Variants in NPSR1 observed in about 807,000 individuals in gnomAD.
NPSR1 encodes neuropeptide S receptor 1.
NPSR1 carries 48 observed loss-of-function variants against 46.9 expected under a neutral mutation model. The observed-to-expected ratio is 1.02, with a 90% CI of 0.81 to 1.30. The LOEUF (loss-of-function observed/expected upper bound fraction) is 1.30, where lower values mean the gene tolerates loss of function less well. NPSR1 is among the 50% of genes most tolerant of loss of function. The pLI, the probability that NPSR1 is intolerant of heterozygous loss-of-function variation, is 0.00. For synonymous variants in NPSR1, 176 were observed against 168.1 expected (o/e 1.05, Z -0.36); for missense variants, 450 against 449.5 (o/e 1.00, Z -0.01).
At chr7:34,807,395 G>A (rs975924875) in intron 3 of NPSR1, among the ~76,000 whole-genome samples, 21 of 151,720 alleles carry the variant, frequency 1.4e-4, no homozygotes, top group African/African-American at 4.4e-4. Context: ...AACTTTGAAC[G>A]GTTTCATTAT....
At chr7:34,803,160 G>A (rs1249915349) in intron 3 of NPSR1, among the ~76,000 whole-genome samples, 3 of 151,522 alleles carry the variant, frequency 2.0e-5, no homozygotes, top group Non-Finnish European at 2.9e-5. Context: ...TCAGTGTGGC[G>A]ATTCCTCAGG....
intron 4 of NPSR1, among the ~76,000 whole-genome samples, chr7:34,819,885 C>T (rs139715893): frequency 2.6e-5 from 4 of 152,160 alleles, no homozygotes; most frequent in East Asian, 1.9e-4. Flanking sequence ...AACACTTGGA[C>T]GCAGGGTGGG....
rs1211706219 is a variant in NPSR1, at chr7:34,658,358, ACTCCCTCACTCAG to A, written c.-52_-40del. 84 of 1,598,508 alleles carry A rather than the reference ACTCCCTCACTCAG, an allele frequency of 5.3e-5. No homozygotes were observed. Among genetic ancestry groups the A allele is most frequent in the Non-Finnish European group, 7.1e-5 (83 of 1,171,280 alleles). ...GCCCAGCTCTCAGGAGGCAAGCTGGACTCCCTCACTCAGCTGCAGGAGCAAGGACAGTGAGGCT... is the reference window on the plus strand; with the variant it reads ...GCCCAGCTCTCAGGAGGCAAGCTGGACTGCAGGAGCAAGGACAGTGAGGCT... On this transcript the variant is annotated 5_prime_UTR_variant, in exon 1 of 9. Transcript: ENST00000360581.
At chr7:34,790,948 A>ATATGT (rs1562730043) in intron 3 of NPSR1, among the ~76,000 whole-genome samples, 1 of 90,510 alleles carries the variant, frequency 1.1e-5, no homozygotes, top group Non-Finnish European at 2.4e-5. Flanking sequence ...TATATATCAT[A>ATATGT]TATGTTATAT....
chr7:34,836,624 A>G (rs1041440955), intron 6 of NPSR1, among the ~76,000 whole-genome samples: 1 of 151,646 alleles, frequency 6.6e-6, no homozygotes, highest in Non-Finnish European at 1.5e-5. Context: ...GAGGAAAGAA[A>G]AGAAGAAAGA....
At chr7:34,876,639 T>A (rs2128771420) in intron 8 of NPSR1, among the ~76,000 whole-genome samples, 1 of 152,300 alleles carries the variant, frequency 6.6e-6, no homozygotes, top group Non-Finnish European at 1.5e-5. Flanking sequence ...ATATTTGTAT[T>A]TAAGTGGGGA....
At chr7:34,713,627 T>A (rs1783411132) in intron 2 of NPSR1, among the ~76,000 whole-genome samples, 1 of 152,134 alleles carries the variant, frequency 6.6e-6, no homozygotes. Context: ...GATGCAATAT[T>A]TAGAGGCTGG....
chr7:34,848,464 T>A lies in NPSR1; in HGVS notation c.845-19T>A, dbSNP rs1266670702. The A allele has an allele frequency of 6.2e-7, 1 of 1,612,332 alleles. No homozygotes were observed. Among genetic ancestry groups the A allele is most frequent in the Non-Finnish European group, 8.5e-7 (1 of 1,178,870 alleles). ...CAACTGCTACCTGCTGTGATGCTAA[T>A]GGCTCTCTTCTCCCCCAGCCTTCAT... On this transcript the variant is annotated intron_variant, in intron 7 of 8. Coordinates refer to ENST00000360581, the MANE Select transcript of NPSR1 (RefSeq NM_207172.2).
intron 2 of NPSR1, among the ~76,000 whole-genome samples, chr7:34,738,783 A>C (rs1784802862): frequency 6.6e-6 from 1 of 152,182 alleles, no homozygotes; most frequent in Admixed American, 6.5e-5. Flanking sequence ...AAATTAACCA[A>C]GTGTACAATT....
chr7:34,661,562 A>T (rs113928944), intron 1 of NPSR1, among the ~76,000 whole-genome samples: 60 of 152,294 alleles, frequency 3.9e-4, no homozygotes, highest in African/African-American at 1.4e-3. Context: ...TCACAGGCTT[A>T]GAGTCTGTTC....
At position 34,766,532 on chromosome 7, in the gene NPSR1, T is replaced by C. The variant is rs1786440247; in HGVS notation, c.281-11930T>C. On this transcript the variant is annotated intron_variant, in intron 2 of 8. Coordinates refer to ENST00000360581, the MANE Select transcript of NPSR1 (RefSeq NM_207172.2). ...CTATTCGGCAATAAGAACAAACAAA[T>C]GATACACACACCTTAGAAGAATTTC... Among the ~76,000 whole-genome samples the C allele has an allele frequency of 1.3e-5, 2 of 152,002 alleles. 1 individual carries two copies. The highest frequency in any genetic ancestry group is 1.3e-4 in the Admixed American group (2 of 15,262).
rs779203957 is a variant in NPSR1, at chr7:34,750,223, G to A, written c.281-28239G>A. 7 of 586,762 alleles carry A rather than the reference G, an allele frequency of 1.2e-5. No individual in the cohort carries two copies. The African/African-American group carries it at 1.3e-4, about 11-fold the overall frequency. 36.3% of individuals were successfully genotyped at this position (586,762 alleles called of 1,614,324 possible). A position where few individuals can be genotyped will look rare whatever the true frequency, so the allele number is the denominator to read the frequency against. On this transcript the variant is annotated intron_variant, in intron 2 of 8. Transcript: ENST00000360581. The stretch of plus-strand genomic sequence containing the variant: ...CACCCTACAAGTTACCCTGCACAGG[G>A]AGGAAAGGAACAGGCAAGATGACTT...
intron 2 of NPSR1, chr7:34,686,023 G>T: frequency 5.9e-6 from 1 of 169,270 alleles, no homozygotes; most frequent in Non-Finnish European, 1.3e-5. Flanking sequence ...ATATTTCTTC[G>T]ATTACAGTGT....
At chr7:34,840,806 G>T (rs531824682) in intron 6 of NPSR1, among the ~76,000 whole-genome samples, 1 of 152,094 alleles carries the variant, frequency 6.6e-6, no homozygotes, top group Admixed American at 6.5e-5. Flanking sequence ...TCCAGAGAGC[G>T]TCACCATAGA....
intron 6 of NPSR1, among the ~76,000 whole-genome samples, chr7:34,835,294 C>T (rs1364538007): frequency 6.6e-6 from 1 of 152,196 alleles, no homozygotes; most frequent in Non-Finnish European, 1.5e-5. Context: ...CACCTTCACA[C>T]ACTCAGTCTC....
chr7:34,876,447 T>G (rs1267976134), intron 8 of NPSR1, among the ~76,000 whole-genome samples: 1 of 152,208 alleles, frequency 6.6e-6, no homozygotes, highest in Non-Finnish European at 1.5e-5. Flanking sequence ...ACATAAACTG[T>G]GAATTCTAAT....
In NPSR1 at chr7:34,778,557, T is replaced by G; in HGVS notation, c.376T>G (p.Tyr126Asp). ...TGACCTGGTTTGCCGAGTGGTCCGC[T>G]ATTTGCAGGTATGTCACACCTTCCA... ...APDLVCRVVR[Y>D]LQVVLLYAST... The change falls in exon 3 of 9, where the codon TAT becomes GAT. Residue 126 changes from tyrosine (Y) to aspartate (D), a missense_variant. Coordinates refer to ENST00000360581, the MANE Select transcript of NPSR1 (RefSeq NM_207172.2). 6.2e-7 allele frequency: 1 copy of G among 1,603,384 alleles called. No individual in the cohort carries two copies. Among genetic ancestry groups the G allele is most frequent in the Non-Finnish European group, 8.5e-7 (1 of 1,170,718 alleles).
intron 3 of NPSR1, among the ~76,000 whole-genome samples, chr7:34,787,942 A>G (rs1787538662): frequency 6.6e-6 from 1 of 152,136 alleles, no homozygotes; most frequent in African/African-American, 2.4e-5. Flanking sequence ...TGACACAGAC[A>G]TGAAATAAAC....
At chr7:34,822,425 T>C (rs933931135) in intron 4 of NPSR1, among the ~76,000 whole-genome samples, 1 of 152,228 alleles carries the variant, frequency 6.6e-6, no homozygotes, top group Non-Finnish European at 1.5e-5. Flanking sequence ...CCATATTTTA[T>C]TTATTTTTTA....
Sources: allele counts gnomAD v4.1 joint callset (sites outside exome capture counted in the v4.1 genomes callset), GRCh38; gene constraint gnomAD v4.1.1; transcripts MANE v1.5; gene names NCBI Gene and HGNC (gene_info 2026-07-23, HGNC 2026-07-21).